The following PAK1 variants were observed in gnomAD, a reference collection of about 807,000 sequenced individuals.
PAK1 encodes p21 (RAC1) activated kinase 1.
A neutral mutation model predicts 67.4 loss-of-function variants in PAK1; 29 were observed. That is an observed-to-expected ratio of 0.43 (90% CI 0.32 to 0.59). The LOEUF (loss-of-function observed/expected upper bound fraction) is 0.59, where lower values mean the gene tolerates loss of function less well. PAK1 is among the 20% of genes least tolerant of loss of function. The pLI is 0.07. For missense variants in PAK1, 337 were observed against 670.7 expected (o/e 0.50, Z 5.50); for synonymous variants, 223 against 237.4 (o/e 0.94, Z 0.56).
At chr11:77,484,012 T>G in the PAK1 span, among the ~76,000 whole-genome samples, 2 of 152,112 alleles carry the variant, frequency 1.3e-5, no homozygotes, top group Admixed American at 1.3e-4. Flanking sequence ...TCTCTTTCTC[T>G]GGAATTTGGA....
chr11:77,354,147 C>T (rs1945678067), intron 7 of PAK1, among the ~76,000 whole-genome samples: 1 of 152,066 alleles, frequency 6.6e-6, no homozygotes, highest in Non-Finnish European at 1.5e-5. Context: ...AAGAGGTTTA[C>T]AACAAAGAAT....
At chr11:77,511,904 A>C in the PAK1 span, among the ~76,000 whole-genome samples, 2 of 152,228 alleles carry the variant, frequency 1.3e-5, no homozygotes, top group Admixed American at 6.5e-5. Flanking sequence ...ATAACAAGGA[A>C]GGGGTTGGGG....
At chr11:77,383,052 C>G (rs908018480) in intron 2 of PAK1, among the ~76,000 whole-genome samples, 1 of 152,060 alleles carries the variant, frequency 6.6e-6, no homozygotes, top group African/African-American at 2.4e-5. Flanking sequence ...TGATCCCATT[C>G]CCTGAGGAAA....
chr11:77,357,358 G>A (rs1476562788), intron 6 of PAK1, among the ~76,000 whole-genome samples: 1 of 152,184 alleles, frequency 6.6e-6, no homozygotes, highest in East Asian at 1.9e-4. Flanking sequence ...GCTGAGATCA[G>A]AGGCAATGGC....
the PAK1 span, among the ~76,000 whole-genome samples, chr11:77,489,158 G>A: frequency 2.0e-5 from 3 of 152,260 alleles, no homozygotes; most frequent in African/African-American, 7.2e-5. Flanking sequence ...AATTTATAGT[G>A]CTGAAGGACT....
chr11:77,328,476 G>C (rs916810032), intron 14 of PAK1, among the ~76,000 whole-genome samples: 2 of 152,166 alleles, frequency 1.3e-5, no homozygotes, highest in African/African-American at 4.8e-5. Context: ...TCAGGATTAA[G>C]AAACTCACTC....
chr11:77,470,538 C>T (rs1957803416), intron 1 of PAK1, among the ~76,000 whole-genome samples: 1 of 152,150 alleles, frequency 6.6e-6, no homozygotes, highest in Non-Finnish European at 1.5e-5. Flanking sequence ...TGAAGCCACT[C>T]TCCCAGAAGG....
rs188127224 is a variant in PAK1 at position 77,422,369 on chromosome 11, C to T, written c.-21-29828G>A. Among the ~76,000 whole-genome samples the T allele has an allele frequency of 1.5e-3, 235 of 152,038 alleles. 1 individual carries two copies. In the Middle Eastern group the frequency reaches 0.037, roughly 24 times the overall value. On this transcript the variant is annotated intron_variant, in intron 1 of 14. Coordinates refer to ENST00000356341, the MANE Select transcript of PAK1 (RefSeq NM_002576.5). ...CGGGGTCAAGAGTTTGAGACCAGCCCGGCTAACATGGTGAAATCCCATCGC... is the reference window on the plus strand; with the variant it reads ...CGGGGTCAAGAGTTTGAGACCAGCCTGGCTAACATGGTGAAATCCCATCGC...
chr11:77,430,376 A>G (rs1020112621), intron 1 of PAK1, among the ~76,000 whole-genome samples: 2 of 152,242 alleles, frequency 1.3e-5, no homozygotes, highest in African/African-American at 4.8e-5. Context: ...TGACCTTGCT[A>G]TTCGAAGAGT....
intron 1 of PAK1, among the ~76,000 whole-genome samples, chr11:77,427,500 C>G (rs1212504187): frequency 6.6e-6 from 1 of 152,096 alleles, no homozygotes; most frequent in African/African-American, 2.4e-5. Flanking sequence ...GACTCCAAAC[C>G]CTTTCTTGTA....
intron 1 of PAK1, among the ~76,000 whole-genome samples, chr11:77,435,165 A>G (rs1275484890): frequency 1.3e-5 from 2 of 152,200 alleles, no homozygotes; most frequent in African/African-American, 4.8e-5. Flanking sequence ...AACAAGAAAA[A>G]AAACACTGAA....
chr11:77,419,833 G>C (rs911871636), intron 1 of PAK1, among the ~76,000 whole-genome samples: 2 of 152,082 alleles, frequency 1.3e-5, no homozygotes, highest in African/African-American at 4.8e-5. Context: ...TGCCTGTTAA[G>C]GTCACTTACT....
chr11:77,493,695 C>T, the PAK1 span, among the ~76,000 whole-genome samples: 1 of 151,990 alleles, frequency 6.6e-6, no homozygotes, highest in Non-Finnish European at 1.5e-5. Flanking sequence ...GAGAGTGCGT[C>T]AGTCGTTTTG....
chr11:77,325,066 T>C (rs927573994), intron 14 of PAK1, among the ~76,000 whole-genome samples: 1 of 152,238 alleles, frequency 6.6e-6, no homozygotes, highest in African/African-American at 2.4e-5. Flanking sequence ...GTCATGGTTT[T>C]CAATATTTAC....
At chr11:77,355,371 G>T (rs1330999949) in intron 7 of PAK1, among the ~76,000 whole-genome samples, 1 of 152,006 alleles carries the variant, frequency 6.6e-6, no homozygotes, top group East Asian at 1.9e-4. Flanking sequence ...GGCATTCTAG[G>T]CTATTCATTA....
intron 1 of PAK1, among the ~76,000 whole-genome samples, chr11:77,406,279 G>A (rs1953550768): frequency 6.6e-6 from 1 of 152,120 alleles, no homozygotes; most frequent in Non-Finnish European, 1.5e-5. Flanking sequence ...CTCCACCTGC[G>A]TTTCTCATCA....
At chr11:77,522,601 T>C in the PAK1 span, among the ~76,000 whole-genome samples, 18 of 152,274 alleles carry the variant, frequency 1.2e-4, no homozygotes, top group African/African-American at 4.3e-4. Flanking sequence ...GAAAAGGAAA[T>C]GCTTATACAC....
At chr11:77,483,486 A>G in the PAK1 span, among the ~76,000 whole-genome samples, 29 of 152,364 alleles carry the variant, frequency 1.9e-4, no homozygotes, top group African/African-American at 6.5e-4. Context: ...TTTACATGAA[A>G]TTTCTTTAAA....
chr11:77,466,039 AC>A (rs1170355378), intron 1 of PAK1, among the ~76,000 whole-genome samples: 5 of 152,164 alleles, frequency 3.3e-5, no homozygotes, highest in Non-Finnish European at 1.5e-5. Context: ...GTCCCTCTTT[AC>A]CCATCCCCAA....
Sources: gnomAD v4.1 joint callset for allele counts (sites outside exome capture counted in the v4.1 genomes callset) on GRCh38, gnomAD v4.1.1 for gene constraint, MANE v1.5 for transcripts, NCBI Gene and HGNC (gene_info 2026-07-23, HGNC 2026-07-21) for gene names.